The following THYN1 variants were observed in gnomAD, a reference collection of about 807,000 sequenced individuals.
The protein encoded by THYN1 is thymocyte protein thy28.
THYN1 carries 32 observed loss-of-function variants against 30.6 expected under a neutral mutation model. The ratio of observed to expected loss-of-function variants is 1.05; its 90% CI spans 0.79 to 1.40. The LOEUF (loss-of-function observed/expected upper bound fraction) is 1.40. THYN1 is among the 40% of genes most tolerant of loss of function. THYN1 has a pLI of 0.00. For synonymous variants in THYN1, 107 were observed against 90.8 expected (o/e 1.18, Z -1.01); for missense variants, 259 against 272.6 (o/e 0.95, Z 0.35).
At chr11:134,249,307 T>G in intron 4 of THYN1, 45 bp from the exon 5 acceptor site, 1 of 1,572,920 alleles carries the variant, frequency 6.4e-7, no homozygotes, top group Non-Finnish European at 8.8e-7. Context: ...TGCAGTCAGC[T>G]CCACAGCCAA....
At chr11:134,249,705 A>G (rs762539291) in intron 4 of THYN1, 123 bp downstream of exon 4, 3 of 938,472 alleles carry the variant, frequency 3.2e-6, no homozygotes, top group Non-Finnish European at 4.8e-6. Flanking sequence ...ATTCCTGTAA[A>G]AGGGGGATGG....
Position 134,251,118 on chromosome 11 carries a change from C to G in THYN1, c.222+12G>C. On this transcript the variant is annotated intron_variant, in intron 2 of 6. Transcript: ENST00000341541. ...CACCATGAAGGGACTGGAGACAGGT[C>G]AAGGGTCTCACCTTCACATCTACAC... is the stretch of plus-strand genomic sequence containing the variant. 1 of 1,602,766 alleles carries G rather than the reference C, an allele frequency of 6.2e-7. No individual in the cohort carries two copies. The highest frequency in any genetic ancestry group is 8.5e-7 in the Non-Finnish European group (1 of 1,175,188).
chr11:134,249,964 A>C (rs1454215972), intron 3 of THYN1, 44 bp from the exon 4 acceptor site: 1 of 1,582,332 alleles, frequency 6.3e-7, no homozygotes, highest in South Asian at 1.1e-5. Context: ...CACCAGCTGG[A>C]AAGTACTAGC....
chr11:134,253,064 G>C lies in THYN1; in HGVS notation c.-182C>G. ...TTTGAGCCCTCAAATCCTTCCCTCCGTTATCTGCGCCATTTCCATCTCGCA... is the reference window on the plus strand; with the variant it reads ...TTTGAGCCCTCAAATCCTTCCCTCCCTTATCTGCGCCATTTCCATCTCGCA... On this transcript the variant is annotated 5_prime_UTR_variant, in exon 1 of 7. Transcript: ENST00000341541. 1 of 1,383,508 alleles carries C rather than the reference G, an allele frequency of 7.2e-7. No individual in the cohort carries two copies. The highest frequency in any genetic ancestry group is 1.5e-5 in the African/African-American group (1 of 67,032). 85.7% of individuals were successfully genotyped at this position (1,383,508 alleles called of 1,614,324 possible).
Position 134,252,873 on chromosome 11 carries a change from G to A in THYN1, c.10C>T (p.Pro4Ser). MSR[P>S]RKRLAGTSGS... The stretch of plus-strand genomic sequence containing the variant: ...GAAGTCCCAGCCAGCCTCTTCCGGG[G>A]TCTCGACATGGTCACGCTGCAGGGG... Residue 4 changes from proline to serine, a missense_variant, in exon 1 of 7, where the codon CCC (proline) becomes TCC (serine). Pro to Ser is a moderately conservative substitution (Grantham distance 74). Coordinates refer to ENST00000341541, the MANE Select transcript of THYN1 (RefSeq NM_014174.3). 2 of 1,604,196 alleles carry A rather than the reference G, an allele frequency of 1.2e-6. No homozygotes were observed. Among genetic ancestry groups the A allele is most frequent in the Non-Finnish European group, 1.7e-6 (2 of 1,177,128 alleles).
rs762310064 is a variant in THYN1 at position 134,250,277 on chromosome 11, G to A, written c.289C>T (p.Gln97Ter). The A allele has an allele frequency of 1.9e-6, 3 of 1,614,000 alleles. No individual in the cohort carries two copies. The highest frequency in any genetic ancestry group is 2.2e-5 in the East Asian group (1 of 44,888). The change falls in exon 3 of 7, where the codon CAG becomes TAG. Residue 97 changes from glutamine to a stop codon, truncating the protein, a stop_gained and splice_region_variant. Coordinates refer to ENST00000341541, the MANE Select transcript of THYN1 (RefSeq NM_014174.3). LOFTEE classifies it high-confidence loss of function. ...TTCWDGVRNY[Q>*]ARNFLRAMKL... Reference sequence around the variant, plus strand: ...CGACCTCCTCCTTACCCTCTTACCTGGTAGTTACGAACACCATCCCAGCAT... The same window carrying A: ...CGACCTCCTCCTTACCCTCTTACCTAGTAGTTACGAACACCATCCCAGCAT...
chr11:134,250,353 A>G lies in THYN1; in HGVS notation c.223-10T>C. 2 of 1,614,160 alleles carry G rather than the reference A, an allele frequency of 1.2e-6. No individual in the cohort carries two copies. The highest frequency in any genetic ancestry group is 1.7e-6 in the Non-Finnish European group (2 of 1,180,002). ...GATCCTCAATGCTGAACTAGGCAAG[A>G]GGAAATAAATTCAATCATTAAACAA... On this transcript the variant is annotated splice_polypyrimidine_tract_variant and intron_variant, in intron 2 of 6. Coordinates refer to ENST00000341541, the MANE Select transcript of THYN1 (RefSeq NM_014174.3).
chr11:134,249,739 G>T lies in THYN1; in HGVS notation c.384+89C>A. On this transcript the variant is annotated intron_variant, in intron 4 of 6. Transcript: ENST00000341541. ...GGGGTGGGGGGGAGTGTACTTTTTTGTTGCCTAATTAAGGTATATCCCTTT... is the reference window on the plus strand; with the variant it reads ...GGGGTGGGGGGGAGTGTACTTTTTTTTTGCCTAATTAAGGTATATCCCTTT... The T allele has an allele frequency of 3.8e-6, 5 of 1,299,536 alleles. No individual in the cohort carries two copies. In the Admixed American group the frequency reaches 6.1e-5, roughly 16 times the overall value. 80.5% of individuals were successfully genotyped at this position (1,299,536 alleles called of 1,614,324 possible). A position where few individuals can be genotyped will look rare whatever the true frequency, so the allele number is the denominator to read the frequency against.
rs143901381 is a variant in THYN1, at chr11:134,251,259, T to C, written c.93A>G (p.Ala31=). The change falls in exon 2 of 7, where the codon GCA becomes GCG. Residue 31 remains alanine, a synonymous_variant. Transcript: ENST00000341541. ...KRTKTENSGE[A]LAKVEDSNPQ... is the part of the protein sequence containing the mutation. ...GGTTGGAGTCCTCCACTTTAGCTAA[T>C]GCCTCACCTGAGTTCTCAGTTTTGG... 2.5e-4 allele frequency: 403 copies of C among 1,614,124 alleles called. 2 individuals carry two copies. In the African/African-American group the frequency reaches 4.8e-3, roughly 19 times the overall value.
chr11:134,249,377 G>T lies in THYN1; in HGVS notation c.385-115C>A, dbSNP rs1226492107. On this transcript the variant is annotated intron_variant, in intron 4 of 6. Transcript: ENST00000341541. ...TGCACATTCTTAACCCATCTGCCTT[G>T]CTGTACAGCCAATGGGGGCTCAGAT... is the stretch of plus-strand genomic sequence containing the variant. 4.0e-6 allele frequency: 4 copies of T among 988,634 alleles called. No individual in the cohort carries two copies. In the Admixed American group the frequency reaches 7.3e-5, roughly 18 times the overall value. 61.2% of individuals were successfully genotyped at this position (988,634 alleles called of 1,614,324 possible). A position where few individuals can be genotyped will look rare whatever the true frequency, so the allele number is the denominator to read the frequency against.
At chr11:134,249,417 T>A (rs1167820221) in intron 4 of THYN1, among the ~76,000 whole-genome samples, 155 bp from the exon 5 acceptor site, 2 of 152,258 alleles carry the variant, frequency 1.3e-5, no homozygotes, top group Non-Finnish European at 2.9e-5. Flanking sequence ...GGAAACAATA[T>A]ATAGTCTAAT....
rs199574280 is a variant in THYN1, at chr11:134,252,790, G to C, written c.43+50C>G. ...AAAATGAGTACTAAACAGGCTCTTC[G>C]AGAAAAGTTTTTTCTTGGGCTGCCT... On this transcript the variant is annotated intron_variant, in intron 1 of 6. Coordinates refer to ENST00000341541, the MANE Select transcript of THYN1 (RefSeq NM_014174.3). The C allele has an allele frequency of 6.2e-6, 10 of 1,609,062 alleles. No homozygotes were observed. In the African/African-American group the frequency reaches 1.3e-4, roughly 21 times the overall value.
At position 134,249,873 on chromosome 11, in the gene THYN1, G is replaced by A. The variant is rs1300408497; in HGVS notation, c.339C>T (p.Phe113=). The A allele has an allele frequency of 6.2e-7, 1 of 1,614,050 alleles. No individual in the cohort carries two copies. The highest frequency in any genetic ancestry group is 1.3e-5 in the African/African-American group (1 of 74,912). Residue 113 remains phenylalanine (F), a synonymous_variant, in exon 4 of 7, where the codon TTC becomes TTT. Coordinates refer to ENST00000341541, the MANE Select transcript of THYN1 (RefSeq NM_014174.3). The stretch of plus-strand genomic sequence containing the variant: ...CTGGCTCTTTGCAGTTGCTATGGTA[G>A]AAGAAGGCTTCTTCTCCCAGCTTCA... ...RAMKLGEEAF[F]YHSNCKEPGI...
chr11:134,250,059 G>T, intron 3 of THYN1, 139 bp from the exon 4 acceptor site: 1 of 1,005,278 alleles, frequency 9.9e-7, no homozygotes, highest in Non-Finnish European at 1.5e-6. Flanking sequence ...CTTCCCCTTT[G>T]CCAGGACACC....
intron 4 of THYN1, 109 bp downstream of exon 4, chr11:134,249,719 G>T (rs866490643): frequency 5.8e-6 from 6 of 1,034,714 alleles, no homozygotes; most frequent in Admixed American, 4.2e-5. Context: ...GGGATGGGGT[G>T]GGGGGGAGTG....
At position 134,248,802 on chromosome 11, in the gene THYN1, C is replaced by A; in HGVS notation, c.631+7G>T. On this transcript the variant is annotated splice_region_variant and intron_variant, in intron 6 of 6. Transcript: ENST00000341541. ...TATGGACAATAAAGGAGAGGGCCCA[C>A]TCTTACCCTGGGTCAGGGGCTGGAT... 1.9e-6 allele frequency: 3 copies of A among 1,614,042 alleles called. No individual in the cohort carries two copies. The highest frequency in any genetic ancestry group is 2.5e-6 in the Non-Finnish European group (3 of 1,179,926).
At position 134,252,795 on chromosome 11, in the gene THYN1, A is replaced by C. The variant is rs17143621; in HGVS notation, c.43+45T>G. On this transcript the variant is annotated intron_variant, in intron 1 of 6. Coordinates refer to ENST00000341541, the MANE Select transcript of THYN1 (RefSeq NM_014174.3). ...GAGTACTAAACAGGCTCTTCGAGAA[A>C]AGTTTTTTCTTGGGCTGCCTTTGTG... 43 of 1,611,996 alleles carry C rather than the reference A, an allele frequency of 2.7e-5. No individual in the cohort carries two copies. In the East Asian group the frequency reaches 4.7e-4, roughly 18 times the overall value.
chr11:134,249,307 T>C (rs1938936642), intron 4 of THYN1, 45 bp from the exon 5 acceptor site: 1 of 1,572,800 alleles, frequency 6.4e-7, no homozygotes, highest in African/African-American at 1.3e-5. Flanking sequence ...TGCAGTCAGC[T>C]CCACAGCCAA....
chr11:134,249,312 A>C (rs1565362348), intron 4 of THYN1, 50 bp from the exon 5 acceptor site: 2 of 1,566,836 alleles, frequency 1.3e-6, no homozygotes, highest in Admixed American at 3.3e-5. Context: ...TCAGCTCCAC[A>C]GCCAATCTTT....
Sources: gnomAD v4.1 joint callset for allele counts (sites outside exome capture counted in the v4.1 genomes callset) on GRCh38, gnomAD v4.1.1 for gene constraint, MANE v1.5 for transcripts, NCBI Gene and HGNC (gene_info 2026-07-23, HGNC 2026-07-21) for gene names.